Variants in TMEM135 observed in about 807,000 individuals in gnomAD.
The protein encoded by TMEM135 is peroxisomal membrane protein 52.
TMEM135 carries 30 observed loss-of-function variants against 60.3 expected under a neutral mutation model. The observed-to-expected ratio is 0.50, with a 90% CI of 0.37 to 0.68. The LOEUF (loss-of-function observed/expected upper bound fraction) is 0.68, where lower values mean the gene tolerates loss of function less well. Ranked by LOEUF, TMEM135 falls within the 30% of genes least tolerant of loss-of-function variation. TMEM135 has a pLI of 0.00. For synonymous variants in TMEM135, 190 were observed against 186.7 expected (o/e 1.02, Z -0.14); for missense variants, 468 against 548.8 (o/e 0.85, Z 1.47).
At chr11:87,206,113 C>A (rs992360472) in intron 5 of TMEM135, among the ~76,000 whole-genome samples, 2 of 152,002 alleles carry the variant, frequency 1.3e-5, no homozygotes, top group African/African-American at 2.4e-5. Context: ...TTATTGAAAC[C>A]CAACTTTGTA....
intron 5 of TMEM135, among the ~76,000 whole-genome samples, chr11:87,203,927 C>T (rs78980497): frequency 0.086 from 13,098 of 152,108 alleles, 622 homozygotes; most frequent in African/African-American, 0.11. Context: ...GGTATCTTAT[C>T]GTTCGTTTTC....
rs559765158 is a variant in TMEM135, at chr11:87,058,579, C to T, written c.142-9115C>T. ...CTTCTGGTCTCAAGTGATCCACCCG[C>T]CTTGGCCTATGATAAATTGTTTTTT... On this transcript the variant is annotated intron_variant, in intron 1 of 14. Transcript: ENST00000305494. 3.3e-5 allele frequency among the ~76,000 whole-genome samples: 5 copies of T among 151,970 alleles called. No individual in the cohort carries two copies. The South Asian group carries it at 1.0e-3, about 32-fold the overall frequency.
At chr11:87,251,781 G>C (rs1348566039) in intron 6 of TMEM135, among the ~76,000 whole-genome samples, 1 of 152,174 alleles carries the variant, frequency 6.6e-6, no homozygotes, top group Non-Finnish European at 1.5e-5. Flanking sequence ...AAACGCGTGA[G>C]CACCTAGAAC....
rs563011914 is a variant in TMEM135, at chr11:87,172,092, C to T, written c.462+14686C>T. Among the ~76,000 whole-genome samples the T allele has an allele frequency of 3.9e-5, 6 of 152,128 alleles. No homozygotes were observed. The East Asian group carries it at 7.8e-4, about 20-fold the overall frequency. On this transcript the variant is annotated intron_variant, in intron 5 of 14. Transcript: ENST00000305494. ...TAAAGTTGTGGTTATAAACTTTCAC[C>T]GAGCTTGAGAATTGCCCATAGAGCT...
At chr11:87,218,637 G>A (rs1940552419) in intron 5 of TMEM135, among the ~76,000 whole-genome samples, 1 of 152,142 alleles carries the variant, frequency 6.6e-6, no homozygotes, top group African/African-American at 2.4e-5. Flanking sequence ...AGCCATTCAT[G>A]ATTCCAAGCC....
At chr11:87,038,319 TG>T (rs886772556) in intron 1 of TMEM135, 133 bp downstream of exon 1, 11 of 229,370 alleles carry the variant, frequency 4.8e-5, no homozygotes, top group Admixed American at 7.6e-5. Context: ...CGGAGTGTTT[TG>T]GGGGGTCGGT....
intron 6 of TMEM135, among the ~76,000 whole-genome samples, chr11:87,289,258 A>G (rs1942221565): frequency 6.6e-6 from 1 of 152,078 alleles, no homozygotes; most frequent in Non-Finnish European, 1.5e-5. Context: ...TAATTGGCAT[A>G]TCTGTAATCT....
chr11:87,289,591 G>A (rs1464741626), intron 6 of TMEM135, among the ~76,000 whole-genome samples: 2 of 151,770 alleles, frequency 1.3e-5, no homozygotes, highest in East Asian at 3.9e-4. Flanking sequence ...CGAGTAGCTG[G>A]AATTACAGAT....
At chr11:87,265,126 C>G (rs1354670962) in intron 6 of TMEM135, among the ~76,000 whole-genome samples, 1 of 151,882 alleles carries the variant, frequency 6.6e-6, no homozygotes, top group African/African-American at 2.4e-5. Flanking sequence ...TAGATCAGCT[C>G]TTTTGGAAGG....
chr11:87,253,691 A>ATATATATC (rs1941467329), intron 6 of TMEM135, among the ~76,000 whole-genome samples: 1 of 19,278 alleles, frequency 5.2e-5, no homozygotes, highest in African/African-American at 2.0e-4. Flanking sequence ...ATATATATAT[A>ATATATATC]TATATATCCT....
At chr11:87,224,959 A>T (rs1254147715) in intron 5 of TMEM135, among the ~76,000 whole-genome samples, 1 of 152,090 alleles carries the variant, frequency 6.6e-6, no homozygotes, top group Non-Finnish European at 1.5e-5. Context: ...GAAATTTAAA[A>T]ATTATGCTTC....
chr11:87,075,259 C>T (rs1367498988), intron 3 of TMEM135, among the ~76,000 whole-genome samples: 2 of 151,590 alleles, frequency 1.3e-5, no homozygotes, highest in Non-Finnish European at 2.9e-5. Flanking sequence ...CCCGGGTTCA[C>T]GCCATTCTCT....
intron 6 of TMEM135, among the ~76,000 whole-genome samples, chr11:87,245,154 A>T (rs1941236239): frequency 6.8e-6 from 1 of 146,682 alleles, no homozygotes; most frequent in Non-Finnish European, 1.5e-5. Flanking sequence ...CATGTAGTTG[A>T]GCGGTTTTGA....
chr11:87,054,391 G>T (rs1022735278), intron 1 of TMEM135, among the ~76,000 whole-genome samples: 1 of 152,038 alleles, frequency 6.6e-6, no homozygotes, highest in South Asian at 2.1e-4. Flanking sequence ...CCTAGATTGC[G>T]CCACTGGACT....
chr11:87,044,991 C>T (rs1949782579), intron 1 of TMEM135, among the ~76,000 whole-genome samples: 1 of 151,252 alleles, frequency 6.6e-6, no homozygotes, highest in African/African-American at 2.4e-5. Flanking sequence ...ATGGGTTTTC[C>T]TATTCATTAA....
intron 4 of TMEM135, among the ~76,000 whole-genome samples, chr11:87,145,584 C>T (rs1448826346): frequency 6.6e-6 from 1 of 151,910 alleles, no homozygotes; most frequent in Non-Finnish European, 1.5e-5. Context: ...CATATCCTTG[C>T]CAACACTTAT....
At chr11:87,250,900 AG>A (rs1307399360) in intron 6 of TMEM135, among the ~76,000 whole-genome samples, 7 of 152,286 alleles carry the variant, frequency 4.6e-5, no homozygotes, top group Non-Finnish European at 5.9e-5. Context: ...CACAGGTAAT[AG>A]GGGATGCTCT....
rs1185767870 is a variant in TMEM135 at position 87,324,420 on chromosome 11, G to A, written c.*3087G>A. 1 of 453,796 alleles carries A rather than the reference G, an allele frequency of 2.2e-6. No individual in the cohort carries two copies. Among genetic ancestry groups the A allele is most frequent in the East Asian group, 7.0e-5 (1 of 14,374 alleles). The allele number at this position is 453,796 out of a possible 1,614,324, so 28.1% of individuals were successfully genotyped here. ...CAGAGATTCCTTAAATTCTCCGTGT[G>A]ATTTATTTTTTTATTTTTTGAGTTG... On this transcript the variant is annotated 3_prime_UTR_variant, in exon 15 of 15. Transcript: ENST00000305494.
intron 6 of TMEM135, among the ~76,000 whole-genome samples, chr11:87,249,038 A>G (rs757744812): frequency 1.3e-5 from 2 of 152,192 alleles, no homozygotes; most frequent in Non-Finnish European, 2.9e-5. Context: ...TATCATCTGC[A>G]AAGAAGGATA....
Sources: gnomAD v4.1 joint callset for allele counts (sites outside exome capture counted in the v4.1 genomes callset) on GRCh38, gnomAD v4.1.1 for gene constraint, MANE v1.5 for transcripts, NCBI Gene and HGNC (gene_info 2026-07-23, HGNC 2026-07-21) for gene names.